Variants in SOS1 observed in about 807,000 individuals in gnomAD.
The protein encoded by SOS1 is SOS Ras/Rac guanine nucleotide exchange factor 1, also known as son of sevenless homolog 1.
SOS1 carries 25 observed loss-of-function variants against 157.6 expected under a neutral mutation model. The ratio of observed to expected loss-of-function variants is 0.16; its 90% CI spans 0.12 to 0.22. The LOEUF (loss-of-function observed/expected upper bound fraction) is 0.22, where lower values mean the gene tolerates loss of function less well. Ranked by LOEUF, SOS1 falls within the 10% of genes least tolerant of loss-of-function variation. The pLI is 1.00. For synonymous variants in SOS1, 528 were observed against 534.0 expected (o/e 0.99, Z 0.16); for missense variants, 1,237 against 1,599.1 (o/e 0.77, Z 3.86).
chr2:39,090,346 G>A (rs1202585408), intron 1 of SOS1, among the ~76,000 whole-genome samples: 1 of 152,078 alleles, frequency 6.6e-6, no homozygotes, highest in Non-Finnish European at 1.5e-5. Flanking sequence ...GCTGGGGGCT[G>A]GTTGACATAG....
intron 2 of SOS1, among the ~76,000 whole-genome samples, chr2:39,062,874 G>C (rs1160898324): frequency 6.6e-6 from 1 of 151,944 alleles, no homozygotes; most frequent in Non-Finnish European, 1.5e-5. Context: ...TATTATAAAA[G>C]AGGGAAAGAA....
At chr2:39,031,073 T>G (rs1670142744) in intron 8 of SOS1, among the ~76,000 whole-genome samples, 1 of 152,104 alleles carries the variant, frequency 6.6e-6, no homozygotes, top group Non-Finnish European at 1.5e-5. Flanking sequence ...CACCCTGATT[T>G]CAGATTCCTC....
Position 38,985,740 on chromosome 2 carries a change from C to A in SOS1, c.*84G>T. 5,855 of 1,108,600 alleles carry A rather than the reference C, an allele frequency of 5.3e-3. No homozygotes were observed. The highest frequency in any genetic ancestry group is 9.6e-3 in the East Asian group (310 of 32,256). The allele number at this position is 1,108,600 out of a possible 1,614,324, so 68.7% of individuals were successfully genotyped here. Reference sequence around the variant, plus strand: ...TTAGTGTTTGGAGTTCTCATTTTAACTCCTCAGTGCTGGCACATTCAGTGC... The same window carrying A: ...TTAGTGTTTGGAGTTCTCATTTTAAATCCTCAGTGCTGGCACATTCAGTGC... On this transcript the variant is annotated 3_prime_UTR_variant, in exon 23 of 23. Coordinates refer to ENST00000402219, the MANE Select transcript of SOS1 (RefSeq NM_005633.4).
chr2:39,084,743 CAT>C (rs921504540), intron 1 of SOS1, among the ~76,000 whole-genome samples: 15 of 152,268 alleles, frequency 9.9e-5, no homozygotes, highest in African/African-American at 2.9e-4. Flanking sequence ...AAATTCCAAA[CAT>C]GTGTCAAGTG....
At chr2:39,116,793 G>A (rs1011921243) in intron 1 of SOS1, among the ~76,000 whole-genome samples, 6 of 152,184 alleles carry the variant, frequency 3.9e-5, no homozygotes, top group African/African-American at 1.4e-4. Flanking sequence ...GGAGGCTGCA[G>A]TGAGCCAAGA....
At position 38,986,200 on chromosome 2, in the gene SOS1, T is replaced by G; in HGVS notation, c.3626A>C (p.Glu1209Ala). 1 of 1,613,910 alleles carries G rather than the reference T, an allele frequency of 6.2e-7. No homozygotes were observed. The change falls in exon 23 of 23, where the codon GAA (glutamate) becomes GCA (alanine). Residue 1209 changes from glutamate (E) to alanine (A), a missense_variant. This residue lies in a region of SOS1 where 306 missense variants were observed against 322.6 expected (regional missense o/e 0.95). Transcript: ENST00000402219. ...TCGTGGTGGTAATAAGGGAGGGCTT[T>G]CAGGAGGGTCTGAGATAGAGGTCCG... ...SDRTSISDPP[E>A]SPPLLPPREP...
At chr2:39,024,432 C>T (rs982890625) in intron 8 of SOS1, among the ~76,000 whole-genome samples, 3 of 150,588 alleles carry the variant, frequency 2.0e-5, no homozygotes, top group East Asian at 1.9e-4. Flanking sequence ...GGAGCATAAT[C>T]GATCTACTGA....
intron 1 of SOS1, among the ~76,000 whole-genome samples, chr2:39,070,339 T>A (rs1213356858): frequency 6.6e-6 from 1 of 152,210 alleles, no homozygotes; most frequent in East Asian, 1.9e-4. Flanking sequence ...CAAGTTCCTT[T>A]CATTTCTGAA....
At chr2:39,113,505 T>A (rs567938173) in intron 1 of SOS1, among the ~76,000 whole-genome samples, 1 of 151,932 alleles carries the variant, frequency 6.6e-6, no homozygotes, top group African/African-American at 2.4e-5. Flanking sequence ...AAATACAGAT[T>A]TTAGAGTTGG....
intron 1 of SOS1, among the ~76,000 whole-genome samples, chr2:39,115,515 A>G (rs1673616914): frequency 6.6e-6 from 1 of 150,500 alleles, no homozygotes; most frequent in Admixed American, 6.7e-5. Flanking sequence ...CTCAGACTCA[A>G]GCAATGCTCC....
In SOS1 at chr2:38,985,770, A is replaced by G. The variant is rs935197569; in HGVS notation, c.*54T>C. ...CAGTGCTGGCACATTCAGTGCATCC[A>G]TTGCCAGCAATGGATTTGGGGCTAG... is the stretch of plus-strand genomic sequence containing the variant. On this transcript the variant is annotated 3_prime_UTR_variant, in exon 23 of 23. Coordinates refer to ENST00000402219, the MANE Select transcript of SOS1 (RefSeq NM_005633.4). 7 of 1,607,846 alleles carry G rather than the reference A, an allele frequency of 4.4e-6. No homozygotes were observed. The African/African-American group carries it at 6.7e-5, about 15-fold the overall frequency.
intron 1 of SOS1, among the ~76,000 whole-genome samples, chr2:39,082,304 C>T (rs1485134037): frequency 2.0e-5 from 3 of 152,136 alleles, no homozygotes; most frequent in African/African-American, 7.2e-5. Flanking sequence ...GATGGGTTCA[C>T]ATATGCTAAG....
intron 1 of SOS1, among the ~76,000 whole-genome samples, chr2:39,106,472 T>C (rs1673188550): frequency 6.7e-6 from 1 of 149,070 alleles, no homozygotes; most frequent in Admixed American, 6.7e-5. Context: ...GCGCCTGTCG[T>C]CCCAGCTACT....
At chr2:39,067,206 G>T (rs903614097) in intron 2 of SOS1, among the ~76,000 whole-genome samples, 1 of 151,884 alleles carries the variant, frequency 6.6e-6, no homozygotes, top group African/African-American at 2.4e-5. Flanking sequence ...TAGAGATGGG[G>T]TCTCACTTTG....
chr2:39,025,437 C>T (rs1037727604), intron 8 of SOS1, among the ~76,000 whole-genome samples: 1 of 151,932 alleles, frequency 6.6e-6, no homozygotes, highest in East Asian at 1.9e-4. Flanking sequence ...GCAACCTCTG[C>T]CTCCCAGCTT....
At chr2:38,986,836 A>G (rs910391714) in intron 22 of SOS1, among the ~76,000 whole-genome samples, 5 of 152,108 alleles carry the variant, frequency 3.3e-5, no homozygotes, top group African/African-American at 9.7e-5. Context: ...TAAAGTACCT[A>G]TTTTATAATT....
chr2:39,062,143 C>G (rs1010102411), intron 2 of SOS1, among the ~76,000 whole-genome samples: 1 of 151,750 alleles, frequency 6.6e-6, no homozygotes, highest in Admixed American at 6.6e-5. Flanking sequence ...CTTGGCTGGG[C>G]GTGGTGGCTC....
At chr2:39,089,514 A>G (rs1027614389) in intron 1 of SOS1, among the ~76,000 whole-genome samples, 3 of 145,612 alleles carry the variant, frequency 2.1e-5, no homozygotes, top group Non-Finnish European at 4.5e-5. Flanking sequence ...AGGCAACAAG[A>G]ACAAGACTCT....
At chr2:39,067,786 G>T in intron 1 of SOS1, 33 bp from the exon 2 acceptor site, 1 of 1,600,530 alleles carries the variant, frequency 6.2e-7, no homozygotes. Flanking sequence ...TTAAAATGTG[G>T]GTTCCATATC....
Sources: gnomAD v4.1 joint callset for allele counts (sites outside exome capture counted in the v4.1 genomes callset) on GRCh38, gnomAD v4.1.1 for gene constraint, gnomAD v4.1.1 regional missense constraint, MANE v1.5 for transcripts, NCBI Gene and HGNC (gene_info 2026-07-23, HGNC 2026-07-21) for gene names.